ESRRG: variants seen among roughly 807,000 people sequenced by gnomAD.
The protein encoded by ESRRG is estrogen-related receptor gamma.
A neutral mutation model predicts 44.0 loss-of-function variants in ESRRG; 13 were observed. The observed-to-expected ratio is 0.30, with a 90% CI of 0.19 to 0.47. ESRRG has a LOEUF of 0.47. Among genes scored for constraint, ESRRG ranks in the 20% least tolerant of loss-of-function variants. The pLI is 1.00. For missense variants in ESRRG, 395 were observed against 580.6 expected (o/e 0.68, Z 3.29); for synonymous variants, 215 against 214.6 (o/e 1.00, Z -0.02).
intron 2 of ESRRG, among the ~76,000 whole-genome samples, chr1:216,661,865 T>A (rs147166425): frequency 1.0e-3 from 152 of 152,302 alleles, no homozygotes; most frequent in Non-Finnish European, 1.9e-3. Flanking sequence ...GTAATTGATC[T>A]GTGTGTAAGC....
At chr1:216,566,229 C>T (rs2059662956) in intron 4 of ESRRG, among the ~76,000 whole-genome samples, 1 of 152,156 alleles carries the variant, frequency 6.6e-6, no homozygotes, top group Non-Finnish European at 1.5e-5. Flanking sequence ...CCTCCCCAGC[C>T]ACTTTCTCAG....
intron 6 of ESRRG, among the ~76,000 whole-genome samples, chr1:216,513,312 T>TAA (rs1264601517): frequency 6.6e-6 from 1 of 152,140 alleles, no homozygotes; most frequent in Non-Finnish European, 1.5e-5. Context: ...GTGGCAGAAA[T>TAA]ATCAAGGAAG....
intron 5 of ESRRG, among the ~76,000 whole-genome samples, chr1:216,526,032 T>C (rs1212866342): frequency 6.6e-6 from 1 of 152,140 alleles, no homozygotes; most frequent in Non-Finnish European, 1.5e-5. Flanking sequence ...CTGACAGATA[T>C]CTCCACAAGC....
At chr1:216,976,803 C>G (rs2073013415) in intron 1 of ESRRG, among the ~76,000 whole-genome samples, 3 of 152,056 alleles carry the variant, frequency 2.0e-5, no homozygotes, top group African/African-American at 4.8e-5. Context: ...CCTTATTACT[C>G]TTACGGTTTT....
chr1:216,640,353 G>A (rs1276957806), intron 3 of ESRRG, among the ~76,000 whole-genome samples: 1 of 152,048 alleles, frequency 6.6e-6, no homozygotes, highest in African/African-American at 2.4e-5. Flanking sequence ...ACTCTCCACT[G>A]AGTGGCTTTT....
At chr1:216,793,348 T>G (rs2094378490) in intron 2 of ESRRG, among the ~76,000 whole-genome samples, 1 of 152,202 alleles carries the variant, frequency 6.6e-6, no homozygotes, top group South Asian at 2.1e-4. Context: ...GGGGTGAAGG[T>G]ATGTCACTTC....
chr1:217,106,262 G>A (rs562452421), intron 1 of ESRRG, among the ~76,000 whole-genome samples: 6 of 152,050 alleles, frequency 3.9e-5, no homozygotes, highest in Non-Finnish European at 7.4e-5. Context: ...AGAAAAGAGC[G>A]GCATCTCTGA....
chr1:217,017,527 T>C (rs1245596452), intron 1 of ESRRG, among the ~76,000 whole-genome samples: 1 of 150,304 alleles, frequency 6.7e-6, no homozygotes, highest in Admixed American at 6.6e-5. Flanking sequence ...GTTTGCAGTG[T>C]TCACTCTCAG....
At chr1:216,826,315 G>T (rs571053470) in intron 2 of ESRRG, among the ~76,000 whole-genome samples, 2 of 151,986 alleles carry the variant, frequency 1.3e-5, no homozygotes, top group South Asian at 2.1e-4. Flanking sequence ...GTAAATAAAT[G>T]GTATGATGAA....
chr1:216,609,626 C>T (rs1041678975), intron 3 of ESRRG, among the ~76,000 whole-genome samples: 1 of 152,168 alleles, frequency 6.6e-6, no homozygotes, highest in African/African-American at 2.4e-5. Context: ...AAGTCAGATT[C>T]AATAAAATGG....
At chr1:216,827,128 A>C (rs1284312680) in intron 2 of ESRRG, among the ~76,000 whole-genome samples, 1 of 152,218 alleles carries the variant, frequency 6.6e-6, no homozygotes, top group Non-Finnish European at 1.5e-5. Flanking sequence ...TCTGTATGTA[A>C]TGGAATAATG....
intron 2 of ESRRG, among the ~76,000 whole-genome samples, chr1:216,886,013 C>G (rs1310335928): frequency 1.3e-5 from 2 of 151,988 alleles, no homozygotes; most frequent in Non-Finnish European, 2.9e-5. Flanking sequence ...CTCTATTTGA[C>G]CTTCCAATTG....
At chr1:216,636,781 TG>T (rs1558949432) in intron 3 of ESRRG, among the ~76,000 whole-genome samples, 1 of 152,204 alleles carries the variant, frequency 6.6e-6, no homozygotes, top group East Asian at 1.9e-4. Flanking sequence ...TTGTAAAAGC[TG>T]GGGGATTTTG....
Position 216,942,033 on chromosome 1 carries a change from C to T in ESRRG, c.-105-2360G>A, listed in dbSNP as rs78491234. On this transcript the variant is annotated intron_variant, in intron 1 of 7. Coordinates refer to the ESRRG transcript ENST00000359162. ...GTCACCCAAACAGTGAACATAGTAC[C>T]GGACAGAAAGTTTTTCAACCCTTGA... Among the ~76,000 whole-genome samples, 451 of 152,148 alleles carry T rather than the reference C, an allele frequency of 3.0e-3. 6 individuals are homozygous for T. In the East Asian group the frequency reaches 0.044, roughly 15 times the overall value.
chr1:217,030,453 G>T (rs979166314), intron 1 of ESRRG, among the ~76,000 whole-genome samples: 31 of 152,182 alleles, frequency 2.0e-4, no homozygotes, highest in African/African-American at 7.0e-4. Flanking sequence ...AGTGTGGTGG[G>T]AAGGCCACTG....
intron 5 of ESRRG, among the ~76,000 whole-genome samples, chr1:216,541,672 A>G (rs2052827724): frequency 6.6e-6 from 1 of 151,672 alleles, no homozygotes; most frequent in Non-Finnish European, 1.5e-5. Context: ...GAGAAGCTAT[A>G]ATGACCAAAG....
At chr1:216,837,459 T>C (rs938487753) in intron 2 of ESRRG, among the ~76,000 whole-genome samples, 1 of 152,134 alleles carries the variant, frequency 6.6e-6, no homozygotes, top group Admixed American at 6.6e-5. Flanking sequence ...TTTTAGAATA[T>C]TAAAACTGCC....
At chr1:216,599,504 A>G (rs2058903227) in intron 3 of ESRRG, among the ~76,000 whole-genome samples, 1 of 152,208 alleles carries the variant, frequency 6.6e-6, no homozygotes, top group Non-Finnish European at 1.5e-5. Context: ...CAAGTGCTAC[A>G]GTTCTCCAAG....
intron 1 of ESRRG, among the ~76,000 whole-genome samples, chr1:216,967,203 G>A (rs766085177): frequency 1.3e-5 from 2 of 151,956 alleles, no homozygotes; most frequent in African/African-American, 4.8e-5. Flanking sequence ...CCACCAGAGG[G>A]GTACATTTGC....
Sources: gnomAD v4.1 joint callset for allele counts (sites outside exome capture counted in the v4.1 genomes callset) on GRCh38, gnomAD v4.1.1 for gene constraint, MANE v1.5 for transcripts, NCBI Gene and HGNC (gene_info 2026-07-23, HGNC 2026-07-21) for gene names.